TGFBR1: variants seen among roughly 807,000 people sequenced by gnomAD.
TGFBR1 encodes the protein TGF-beta receptor type-1.
In TGFBR1, 20 loss-of-function variants were observed where a neutral mutation model predicts 55.1. The observed-to-expected ratio is 0.36, with a 90% confidence interval of 0.26 to 0.53. TGFBR1 has a LOEUF of 0.53. TGFBR1 is among the 20% of genes least tolerant of loss of function. TGFBR1 has a pLI of 0.91. For synonymous variants in TGFBR1, 220 were observed against 214.8 expected (o/e 1.02, Z -0.21); for missense variants, 385 against 617.6 (o/e 0.62, Z 3.99).
At chr9:99,148,733 G>T (rs972005464) in intron 8 of TGFBR1, among the ~76,000 whole-genome samples, 14 of 152,232 alleles carry the variant, frequency 9.2e-5, no homozygotes, top group Middle Eastern at 3.4e-3. Context: ...TTGGGAGGCT[G>T]AAGTGGGAGG....
At chr9:99,145,393 A>G (rs1827759137) in intron 6 of TGFBR1, among the ~76,000 whole-genome samples, 1 of 152,196 alleles carries the variant, frequency 6.6e-6, no homozygotes, top group Admixed American at 6.5e-5. Flanking sequence ...CAAAAATCTT[A>G]GGAGTCCCTG....
chr9:99,139,005 C>T (rs1271179580), intron 4 of TGFBR1, among the ~76,000 whole-genome samples: 1 of 152,028 alleles, frequency 6.6e-6, no homozygotes, highest in Non-Finnish European at 1.5e-5. Context: ...ACCATGTTGG[C>T]CAGGTTGGCC....
At chr9:99,141,759 C>A (rs1564166933) in intron 4 of TGFBR1, among the ~76,000 whole-genome samples, 1 of 152,150 alleles carries the variant, frequency 6.6e-6, no homozygotes, top group Non-Finnish European at 1.5e-5. Context: ...GTGGACCAGT[C>A]TAGCTTAGGA....
rs60885995 is a variant in TGFBR1, at chr9:99,151,417, G to T, written c.*2112G>T. 10,676 of 198,294 alleles carry T rather than the reference G, an allele frequency of 0.054. 1,717 individuals are homozygous for T. Among genetic ancestry groups the T allele is most frequent in the East Asian group, 0.46 (6,811 of 14,940 alleles). 12.3% of individuals were successfully genotyped at this position (198,294 alleles called of 1,614,324 possible). On this transcript the variant is annotated 3_prime_UTR_variant, in exon 9 of 9. Transcript: ENST00000374994. Reference sequence around the variant, plus strand: ...TTTTTGTTTTTTTTTTTTTGTTGTTGTTTTTGGGCCATTTCTAAGCCTACC... The same window carrying T: ...TTTTTGTTTTTTTTTTTTTGTTGTTTTTTTTGGGCCATTTCTAAGCCTACC...
rs1826377068 is a variant in TGFBR1, at chr9:99,105,334, G to A, written c.97+32G>A. The A allele has an allele frequency of 4.1e-6, 4 of 980,316 alleles. No individual in the cohort carries two copies. In the African/African-American group the frequency reaches 7.1e-5, roughly 17 times the overall value. The allele number at this position is 980,316 out of a possible 1,614,324, so 60.7% of individuals were successfully genotyped here. On this transcript the variant is annotated intron_variant, in intron 1 of 8. Coordinates refer to ENST00000374994, the MANE Select transcript of TGFBR1 (RefSeq NM_004612.4). The stretch of plus-strand genomic sequence containing the variant: ...GGCGGCGCGGCGGGCGGGCGACTGC[G>A]GGGCGCGCGGGCCGGACCCGGCCTC...
At chr9:99,145,200 C>T (rs1168551943) in intron 6 of TGFBR1, among the ~76,000 whole-genome samples, 1 of 152,186 alleles carries the variant, frequency 6.6e-6, no homozygotes, top group Non-Finnish European at 1.5e-5. Context: ...TATATTACCT[C>T]ATTTAATCCC....
chr9:99,128,393 T>C (rs1433082595), intron 1 of TGFBR1, among the ~76,000 whole-genome samples: 2 of 151,292 alleles, frequency 1.3e-5, no homozygotes, highest in African/African-American at 4.9e-5. Context: ...TGAAATGGCA[T>C]TAGCCTACAC....
chr9:99,106,289 G>A (rs10988705), intron 1 of TGFBR1, among the ~76,000 whole-genome samples: 4,688 of 152,280 alleles, frequency 0.031, 99 homozygotes, highest in Middle Eastern at 0.061. Flanking sequence ...GGGGTAGGTG[G>A]TTGGTATCCA....
At chr9:99,105,532 C>T (rs1826385752) in intron 1 of TGFBR1, among the ~76,000 whole-genome samples, 1 of 150,858 alleles carries the variant, frequency 6.6e-6, no homozygotes, top group Non-Finnish European at 1.5e-5. Flanking sequence ...GCGGACGTGT[C>T]CGGCTGCCCG....
chr9:99,135,502 A>G (rs1186046543), intron 3 of TGFBR1, among the ~76,000 whole-genome samples: 1 of 152,226 alleles, frequency 6.6e-6, no homozygotes, highest in Non-Finnish European at 1.5e-5. Context: ...CCCTGTCTCT[A>G]CCTCTAAAGA....
At chr9:99,120,869 G>T (rs750410976) in intron 1 of TGFBR1, among the ~76,000 whole-genome samples, 1 of 152,056 alleles carries the variant, frequency 6.6e-6, no homozygotes, top group East Asian at 1.9e-4. Flanking sequence ...GATTTATTTC[G>T]AATCTAAGTG....
intron 1 of TGFBR1, among the ~76,000 whole-genome samples, chr9:99,126,260 TAAAAGTCTTG>T (rs1827039332): frequency 6.6e-6 from 1 of 152,138 alleles, no homozygotes; most frequent in African/African-American, 2.4e-5. Context: ...AACCCCAAAC[TAAAAGTCTTG>T]TTAGGCTAGG....
intron 1 of TGFBR1, among the ~76,000 whole-genome samples, chr9:99,108,242 A>G (rs1411664633): frequency 6.6e-6 from 1 of 152,042 alleles, no homozygotes; most frequent in Non-Finnish European, 1.5e-5. Context: ...GCAATTGGTT[A>G]TTTGTCCTAC....
upstream of TGFBR1, chr9:99,104,031 T>C (rs1826333129): frequency 6.6e-6 from 1 of 152,200 alleles, no homozygotes; most frequent in African/African-American, 2.4e-5. Context: ...CTTGGCTGTG[T>C]TTGTGTCTGA....
chr9:99,125,654 A>G lies in TGFBR1; in HGVS notation c.98-3201A>G, dbSNP rs545535235. Among the ~76,000 whole-genome samples, 3 of 152,328 alleles carry G rather than the reference A, an allele frequency of 2.0e-5. No homozygotes were observed. In the South Asian group the frequency reaches 6.2e-4, roughly 32 times the overall value. On this transcript the variant is annotated intron_variant, in intron 1 of 8. Transcript: ENST00000374994. ...CTTATGCTGTGTGTAGTGTGCCACA[A>G]GGACATTTGGCCTGAAGGGGATCTT... is the stretch of plus-strand genomic sequence containing the variant.
chr9:99,132,076 T>C (rs1032327174), intron 2 of TGFBR1, among the ~76,000 whole-genome samples: 5 of 152,172 alleles, frequency 3.3e-5, no homozygotes, highest in Non-Finnish European at 5.9e-5. Flanking sequence ...TTTTGTTGTT[T>C]TTTTTGTTGT....
At position 99,153,096 on chromosome 9, in the gene TGFBR1, G is replaced by A. The variant is rs1588602360; in HGVS notation, c.*3791G>A. 8.8e-6 allele frequency: 2 copies of A among 227,350 alleles called. No individual in the cohort carries two copies. Among genetic ancestry groups the A allele is most frequent in the East Asian group, 6.3e-5 (1 of 15,814 alleles). 14.1% of individuals were successfully genotyped at this position (227,350 alleles called of 1,614,324 possible). On this transcript the variant is annotated 3_prime_UTR_variant, in exon 9 of 9. Coordinates refer to ENST00000374994, the MANE Select transcript of TGFBR1 (RefSeq NM_004612.4). ...TACCCCTTTTTCACGTTGTGCCAACGGAATAGGGTGTTTGATATTTCTTCA... is the reference window on the plus strand; with the variant it reads ...TACCCCTTTTTCACGTTGTGCCAACAGAATAGGGTGTTTGATATTTCTTCA...
intron 1 of TGFBR1, among the ~76,000 whole-genome samples, chr9:99,108,792 C>G (rs1826485078): frequency 6.6e-6 from 1 of 152,066 alleles, no homozygotes; most frequent in Non-Finnish European, 1.5e-5. Context: ...TTTCCCCAAT[C>G]CTAAAAGCTA....
rs1243220592 is a variant in TGFBR1 at position 99,153,914 on chromosome 9, C to T, written c.*4609C>T. On this transcript the variant is annotated 3_prime_UTR_variant, in exon 9 of 9. Coordinates refer to ENST00000374994, the MANE Select transcript of TGFBR1 (RefSeq NM_004612.4). ...CATGATGGACCTGTCTACAGGTGAT[C>T]TCTGTTGCCTTTGGGTCAGCACATT... 4 of 214,694 alleles carry T rather than the reference C, an allele frequency of 1.9e-5. No individual in the cohort carries two copies. The highest frequency in any genetic ancestry group is 3.8e-5 in the Non-Finnish European group (4 of 106,182). The allele number at this position is 214,694 out of a possible 1,614,324, so 13.3% of individuals were successfully genotyped here. A position where few individuals can be genotyped will look rare whatever the true frequency, so the allele number is the denominator to read the frequency against.
Sources: gnomAD v4.1 joint callset for allele counts (sites outside exome capture counted in the v4.1 genomes callset) on GRCh38, gnomAD v4.1.1 for gene constraint, MANE v1.5 for transcripts, NCBI Gene and HGNC (gene_info 2026-07-23, HGNC 2026-07-21) for gene names.